Variants in LHFPL6 observed in about 807,000 individuals in gnomAD.
LHFPL6 encodes LHFPL tetraspan subfamily member 6 protein.
In LHFPL6, 9 loss-of-function variants were observed where a neutral mutation model predicts 20.6. The observed-to-expected ratio is 0.44, with a 90% CI of 0.26 to 0.76. The LOEUF is 0.76. Ranked by LOEUF, LHFPL6 falls within the 30% of genes least tolerant of loss-of-function variation. The pLI is 0.20. For missense variants in LHFPL6, 218 were observed against 253.5 expected, an observed-to-expected ratio of 0.86 and a Z score of 0.95; for synonymous variants, 105 against 98.7, an observed-to-expected ratio of 1.06 and a Z score of -0.38.
chr13:39,544,150 T>C (rs1870899303), intron 2 of LHFPL6, among the ~76,000 whole-genome samples: 1 of 152,110 alleles, frequency 6.6e-6, no homozygotes, highest in African/African-American at 2.4e-5. Flanking sequence ...AAGAATGGAA[T>C]GAAGATATTA....
chr13:39,397,988 A>G (rs1335993087), intron 2 of LHFPL6, among the ~76,000 whole-genome samples: 2 of 152,200 alleles, frequency 1.3e-5, no homozygotes, highest in Non-Finnish European at 2.9e-5. Flanking sequence ...CATTAGAATG[A>G]CATAGTGTTT....
chr13:39,474,289 GGTTT>G (rs767953637), intron 2 of LHFPL6, among the ~76,000 whole-genome samples: 2 of 152,082 alleles, frequency 1.3e-5, no homozygotes, highest in African/African-American at 2.4e-5. Flanking sequence ...CTATTTTATG[GGTTT>G]GTTTAACATA....
chr13:39,511,194 T>C (rs973686561), intron 2 of LHFPL6, among the ~76,000 whole-genome samples: 2 of 152,134 alleles, frequency 1.3e-5, no homozygotes, highest in African/African-American at 4.8e-5. Context: ...TTACGCAGTC[T>C]TTCAAATGGA....
intron 2 of LHFPL6, among the ~76,000 whole-genome samples, chr13:39,421,996 T>C (rs908785883): frequency 6.6e-5 from 10 of 152,180 alleles, no homozygotes; most frequent in African/African-American, 2.2e-4. Flanking sequence ...ACAATTGGTT[T>C]GGGTTTTTTA....
chr13:39,416,364 T>TA (rs36120111), intron 2 of LHFPL6, among the ~76,000 whole-genome samples: 81,320 of 147,274 alleles, frequency 0.55, 22,622 homozygotes, highest in Non-Finnish European at 0.59. Context: ...CTTAATATGT[T>TA]AAAAAAAAAA....
At chr13:39,431,013 A>G (rs912810236) in intron 2 of LHFPL6, among the ~76,000 whole-genome samples, 2 of 152,168 alleles carry the variant, frequency 1.3e-5, no homozygotes, top group South Asian at 2.1e-4. Context: ...ACCCACTGCA[A>G]AGGTCTGCAG....
At chr13:39,451,822 T>G (rs1294592885) in intron 2 of LHFPL6, among the ~76,000 whole-genome samples, 1 of 152,228 alleles carries the variant, frequency 6.6e-6, no homozygotes, top group African/African-American at 2.4e-5. Context: ...GATCTAAAGA[T>G]TCTAGTATAT....
At chr13:39,427,672 A>G (rs951699406) in intron 2 of LHFPL6, among the ~76,000 whole-genome samples, 5 of 152,202 alleles carry the variant, frequency 3.3e-5, no homozygotes, top group African/African-American at 1.2e-4. Context: ...ATTATTGGAT[A>G]TGACTTGCTA....
chr13:39,583,537 A>G (rs1872354025), intron 2 of LHFPL6, among the ~76,000 whole-genome samples: 1 of 152,100 alleles, frequency 6.6e-6, no homozygotes, highest in Non-Finnish European at 1.5e-5. Flanking sequence ...GTTAACTTAC[A>G]CATTCAAATA....
At chr13:39,379,530 C>T (rs1008691647) in intron 2 of LHFPL6, among the ~76,000 whole-genome samples, 8 of 152,096 alleles carry the variant, frequency 5.3e-5, no homozygotes, top group African/African-American at 1.7e-4. Context: ...TGGCAGGGCC[C>T]GGAATGTATC....
intron 3 of LHFPL6, among the ~76,000 whole-genome samples, chr13:39,354,151 T>C (rs987816411): frequency 6.6e-6 from 1 of 152,144 alleles, no homozygotes; most frequent in African/African-American, 2.4e-5. Context: ...TAAGAGCCTA[T>C]CTGCCAGCCC....
chr13:39,492,932 GGCCTC>G (rs1868976637), intron 2 of LHFPL6, among the ~76,000 whole-genome samples: 1 of 151,818 alleles, frequency 6.6e-6, no homozygotes, highest in East Asian at 2.0e-4. Flanking sequence ...CTCCCACCTC[GGCCTC>G]CCAAAGTGCT....
intron 2 of LHFPL6, among the ~76,000 whole-genome samples, chr13:39,541,376 C>T (rs926184100): frequency 9.2e-5 from 14 of 152,174 alleles, no homozygotes; most frequent in Non-Finnish European, 2.1e-4. Context: ...ACTGCCCCAT[C>T]CTAGTGTTCA....
chr13:39,551,401 C>G (rs1871142575), intron 2 of LHFPL6, among the ~76,000 whole-genome samples: 1 of 151,504 alleles, frequency 6.6e-6, no homozygotes, highest in African/African-American at 2.5e-5. Context: ...GAGGGCTCTA[C>G]TCTCCTGACC....
chr13:39,424,954 C>T (rs144335782), intron 2 of LHFPL6, among the ~76,000 whole-genome samples: 1 of 152,048 alleles, frequency 6.6e-6, no homozygotes, highest in African/African-American at 2.4e-5. Context: ...TTGAAAGGTA[C>T]AATCTGATAA....
chr13:39,470,836 T>C (rs1286585982), intron 2 of LHFPL6, among the ~76,000 whole-genome samples: 2 of 152,248 alleles, frequency 1.3e-5, no homozygotes, highest in African/African-American at 4.8e-5. Flanking sequence ...TTTCGATTTA[T>C]CTAATGTTAT....
intron 2 of LHFPL6, among the ~76,000 whole-genome samples, chr13:39,478,896 T>G (rs1868398442): frequency 1.3e-5 from 2 of 152,056 alleles, no homozygotes; most frequent in Non-Finnish European, 1.5e-5. Context: ...CTTCTCAGCC[T>G]CCATAATCAC....
At chr13:39,414,526 G>C (rs190517124) in intron 2 of LHFPL6, among the ~76,000 whole-genome samples, 1 of 152,158 alleles carries the variant, frequency 6.6e-6, no homozygotes, top group Non-Finnish European at 1.5e-5. Flanking sequence ...CTGGAGTTGA[G>C]GTAGAGCAAG....
chr13:39,359,820 A>AT (rs1358753360), intron 3 of LHFPL6, among the ~76,000 whole-genome samples: 2 of 152,162 alleles, frequency 1.3e-5, no homozygotes, highest in Non-Finnish European at 1.5e-5. Flanking sequence ...CTGCTCTCTA[A>AT]TGTGACTCTA....
Sources: gnomAD v4.1 joint callset for allele counts (sites outside exome capture counted in the v4.1 genomes callset) on GRCh38, gnomAD v4.1.1 for gene constraint, MANE v1.5 for transcripts, NCBI Gene and HGNC (gene_info 2026-07-23, HGNC 2026-07-21) for gene names.